KCNMB1: variants seen among roughly 807,000 people sequenced by gnomAD.
KCNMB1 encodes the protein potassium calcium-activated channel subfamily M regulatory beta subunit 1, also known as calcium-activated potassium channel subunit beta-1.
KCNMB1 carries 22 observed loss-of-function variants against 21.7 expected under a neutral mutation model. The ratio of observed to expected loss-of-function variants is 1.01; its 90% CI spans 0.72 to 1.45. The LOEUF is 1.45. Ranked by LOEUF, KCNMB1 falls within the 40% of genes most tolerant of loss-of-function variation. KCNMB1 has a pLI of 0.00. For synonymous variants in KCNMB1, 114 were observed against 107.6 expected, an observed-to-expected ratio of 1.06 and a Z score of -0.37; for missense variants, 243 against 243.4, an observed-to-expected ratio of 1.00 and a Z score of 0.01.
intron 2 of KCNMB1, among the ~76,000 whole-genome samples, chr5:170,384,108 G>A (rs955217778): frequency 1.3e-5 from 2 of 152,124 alleles, no homozygotes; most frequent in African/African-American, 4.8e-5. Context: ...CAACAACCTG[G>A]GGAGCTTCTA....
chr5:170,380,684 G>A (rs1231498689), intron 3 of KCNMB1, among the ~76,000 whole-genome samples: 2 of 152,248 alleles, frequency 1.3e-5, no homozygotes, highest in East Asian at 3.8e-4. Flanking sequence ...CAGGTCCTCA[G>A]TAGCATATAA....
intron 3 of KCNMB1, chr5:170,383,447 G>A (rs1444332432): frequency 3.2e-6 from 2 of 615,558 alleles, no homozygotes; most frequent in Non-Finnish European, 5.8e-6. Context: ...AACTGAGGAG[G>A]TGAGAGGCTA....
chr5:170,387,421 G>A (rs1395927377), intron 1 of KCNMB1, among the ~76,000 whole-genome samples: 1 of 152,052 alleles, frequency 6.6e-6, no homozygotes, highest in African/African-American at 2.4e-5. Context: ...CCTTAGCCAG[G>A]CTGCCCTCAT....
chr5:170,387,277 G>T (rs958835027), intron 1 of KCNMB1, among the ~76,000 whole-genome samples: 1 of 152,118 alleles, frequency 6.6e-6, no homozygotes, highest in Non-Finnish European at 1.5e-5. Flanking sequence ...TATGGTTTTT[G>T]TTTGTTTAAT....
In KCNMB1 at chr5:170,376,343, T is replaced by C. The variant is rs967177317; in HGVS notation, c.*2361A>G. 6.6e-6 allele frequency: 1 copy of C among 151,282 alleles called. No individual in the cohort carries two copies. Among genetic ancestry groups the C allele is most frequent in the Non-Finnish European group, 1.5e-5 (1 of 67,870 alleles). 9.4% of individuals were successfully genotyped at this position (151,282 alleles called of 1,614,324 possible). On this transcript the variant is annotated 3_prime_UTR_variant, in exon 4 of 4. Transcript: ENST00000274629. ...GCCCGGCTATGATTTTTTCTATTTT[T>C]TAGTAGAGACAGGGTTTCACCGTGT...
intron 2 of KCNMB1, among the ~76,000 whole-genome samples, chr5:170,384,590 G>A (rs1764389031): frequency 6.6e-6 from 1 of 152,214 alleles, no homozygotes; most frequent in South Asian, 2.1e-4. Flanking sequence ...TCCTGTGGGA[G>A]ACCCATTGCC....
rs2071156 is a variant in KCNMB1, at chr5:170,385,299, G to A, written c.134+15C>T. 319,876 of 1,613,396 alleles carry A rather than the reference G, an allele frequency of 0.2. 32,960 individuals carry two copies. Among genetic ancestry groups the A allele is most frequent in the South Asian group, 0.27 (24,349 of 91,062 alleles). On this transcript the variant is annotated intron_variant, in intron 2 of 3. Coordinates refer to ENST00000274629, the MANE Select transcript of KCNMB1 (RefSeq NM_004137.4). ...GAGAGGGTTGGGGGGTGGGCAGGCC[G>A]GGAGAGCTCAGTACCTTTTCTGGTA...
rs934204845 is a variant in KCNMB1 at position 170,380,091 on chromosome 5, A to G, written c.307-1118T>C. On this transcript the variant is annotated intron_variant, in intron 3 of 3. Transcript: ENST00000274629. ...CAAAGGAAAGAAAGAATGCATTGAAAAGAGTTTTGTGCCAGCAGAGCATGA... is the reference window on the plus strand; with the variant it reads ...CAAAGGAAAGAAAGAATGCATTGAAGAGAGTTTTGTGCCAGCAGAGCATGA... 3.9e-5 allele frequency among the ~76,000 whole-genome samples: 6 copies of G among 152,250 alleles called. No individual in the cohort carries two copies. In the South Asian group the frequency reaches 6.2e-4, roughly 16 times the overall value.
chr5:170,378,496 A>T lies in KCNMB1; in HGVS notation c.*208T>A, dbSNP rs1764096311. On this transcript the variant is annotated 3_prime_UTR_variant, in exon 4 of 4. Transcript: ENST00000274629. Reference sequence around the variant, plus strand: ...TGGCTGGCCTTATGGCCTCCAAGGCATTGGGGAGCCACTGTACATTCTTGA... The same window carrying T: ...TGGCTGGCCTTATGGCCTCCAAGGCTTTGGGGAGCCACTGTACATTCTTGA... 4 of 607,204 alleles carry T rather than the reference A, an allele frequency of 6.6e-6. No homozygotes were observed. In the South Asian group the frequency reaches 6.7e-5, roughly 10 times the overall value. The allele number at this position is 607,204 out of a possible 1,614,324, so 37.6% of individuals were successfully genotyped here.
chr5:170,387,823 C>T (rs1055663180), intron 1 of KCNMB1, among the ~76,000 whole-genome samples: 3 of 152,236 alleles, frequency 2.0e-5, no homozygotes, highest in Non-Finnish European at 4.4e-5. Context: ...CCCCAACAGC[C>T]TGCTTCCCCA....
chr5:170,378,714 G>T lies in KCNMB1; in HGVS notation c.566C>A (p.Ala189Asp), dbSNP rs777518195. ...KSNQYLSILA[A>D]QK Reference sequence around the variant, plus strand: ...CATGGATGGATGGCTCTACTTCTGGGCCGCCAGGATGGACAGGTACTGGTT... The same window carrying T: ...CATGGATGGATGGCTCTACTTCTGGTCCGCCAGGATGGACAGGTACTGGTT... The change falls in exon 4 of 4, where the codon GCC (alanine) becomes GAC (aspartate). Residue 189 changes from alanine (A) to aspartate (D), a missense_variant. Transcript: ENST00000274629. The T allele has an allele frequency of 1.4e-5, 23 of 1,610,564 alleles. No homozygotes were observed. The highest frequency in any genetic ancestry group is 2.0e-5 in the Non-Finnish European group (23 of 1,178,430).
intron 3 of KCNMB1, among the ~76,000 whole-genome samples, chr5:170,379,289 C>T (rs1278223750): frequency 6.6e-6 from 1 of 152,084 alleles, no homozygotes; most frequent in Non-Finnish European, 1.5e-5. Context: ...TCTTTCTGAG[C>T]CCTGAAGCTT....
Position 170,375,811 on chromosome 5 carries a change from ATT to A in KCNMB1, c.*2891_*2892del, listed in dbSNP as rs1763975583. On this transcript the variant is annotated 3_prime_UTR_variant, in exon 4 of 4. Transcript: ENST00000274629. ...ACTATCCTAGGAAATTTACATAAAA[ATT>A]TGTTTCATGCCAAAACTCTATGGAA... 4 of 152,368 alleles carry A rather than the reference ATT, an allele frequency of 2.6e-5. No individual in the cohort carries two copies. In the South Asian group the frequency reaches 8.3e-4, roughly 32 times the overall value. The allele number at this position is 152,368 out of a possible 1,614,324, so 9.4% of individuals were successfully genotyped here.
chr5:170,374,984 G>A lies in KCNMB1; in HGVS notation c.*3720C>T, dbSNP rs1009529382. The A allele has an allele frequency of 6.6e-6, 1 of 152,162 alleles. No homozygotes were observed. The highest frequency in any genetic ancestry group is 1.9e-4 in the East Asian group (1 of 5,194). 9.4% of individuals were successfully genotyped at this position (152,162 alleles called of 1,614,324 possible). A position where few individuals can be genotyped will look rare whatever the true frequency, so the allele number is the denominator to read the frequency against. On this transcript the variant is annotated 3_prime_UTR_variant, in exon 4 of 4. Coordinates refer to ENST00000274629, the MANE Select transcript of KCNMB1 (RefSeq NM_004137.4). ...GAGGAACATGGCCTTTTCCCCTGCAGGGATTGTTTGGGTATTCTGAGTTTC... is the reference window on the plus strand; with the variant it reads ...GAGGAACATGGCCTTTTCCCCTGCAAGGATTGTTTGGGTATTCTGAGTTTC...
intron 3 of KCNMB1, 29 bp downstream of exon 3, chr5:170,383,650 G>T: frequency 6.2e-7 from 1 of 1,612,360 alleles, no homozygotes. Flanking sequence ...GGGATAAAGG[G>T]ATGTGTCCCC....
At position 170,385,461 on chromosome 5, in the gene KCNMB1, A is replaced by G. The variant is rs1485930100; in HGVS notation, c.-14T>C. 1.2e-6 allele frequency: 2 copies of G among 1,614,106 alleles called. No homozygotes were observed. Among genetic ancestry groups the G allele is most frequent in the Non-Finnish European group, 1.7e-6 (2 of 1,180,006 alleles). On this transcript the variant is annotated 5_prime_UTR_variant, in exon 2 of 4. Coordinates refer to ENST00000274629, the MANE Select transcript of KCNMB1 (RefSeq NM_004137.4). ...CTTCTTCACCATATTCACTGGGGGC[A>G]GTGATCATTTCTAGGTCCACAGAAG... is the stretch of plus-strand genomic sequence containing the variant.
At position 170,383,794 on chromosome 5, in the gene KCNMB1, TC is replaced by T. The variant is rs1452193375; in HGVS notation, c.190del (p.Glu64ArgfsTer3). ...GGGCACCTTCTTGCCCTTCAGCTCC[TC>T]CTGGTCCCTGATGTTGGTCTCAATC... is the stretch of plus-strand genomic sequence containing the variant. ...HLIETNIRDQ[E>X]ELKGKKVPQY... On this transcript the variant is annotated frameshift_variant, in exon 3 of 4. Transcript: ENST00000274629. LOFTEE classifies it high-confidence loss of function. 3.7e-6 allele frequency: 6 copies of T among 1,614,160 alleles called. No individual in the cohort carries two copies. Among genetic ancestry groups the T allele is most frequent in the Non-Finnish European group, 4.2e-6 (5 of 1,180,030 alleles).
intron 1 of KCNMB1, among the ~76,000 whole-genome samples, chr5:170,385,937 G>A (rs970194682): frequency 6.6e-6 from 1 of 151,824 alleles, no homozygotes; most frequent in Admixed American, 6.6e-5. Flanking sequence ...GGCTAACATG[G>A]TGAAACCCCA....
Position 170,378,743 on chromosome 5 carries a change from C to T in KCNMB1, c.537G>A (p.Lys179=). Residue 179 remains lysine (K), a synonymous_variant, in exon 4 of 4, where the codon AAG becomes AAA. Transcript: ENST00000274629. ...CCAGGATGGACAGGTACTGGTTGCTCTTCACCATGGCGATAATGAGGAGGC... is the reference window on the plus strand; with the variant it reads ...CCAGGATGGACAGGTACTGGTTGCTTTTCACCATGGCGATAATGAGGAGGC... ...TGGLLIIAMV[K]SNQYLSILAA... 1 of 1,614,020 alleles carries T rather than the reference C, an allele frequency of 6.2e-7. No individual in the cohort carries two copies. The highest frequency in any genetic ancestry group is 1.1e-5 in the South Asian group (1 of 91,070).
Sources: allele counts gnomAD v4.1 joint callset (sites outside exome capture counted in the v4.1 genomes callset), GRCh38; gene constraint gnomAD v4.1.1; transcripts MANE v1.5; gene names NCBI Gene and HGNC (gene_info 2026-07-23, HGNC 2026-07-21).